The following FIG4 variants were observed in gnomAD, a reference collection of about 807,000 sequenced individuals.
FIG4 encodes polyphosphoinositide phosphatase.
FIG4 carries 112 observed loss-of-function variants against 118.6 expected under a neutral mutation model. That is an observed-to-expected ratio of 0.94 (90% CI 0.81 to 1.11). The LOEUF is 1.11. Among genes scored for constraint, FIG4 ranks in the 50% least tolerant of loss-of-function variants. FIG4 has a pLI of 0.00. For missense variants in FIG4, 969 were observed against 1,111.7 expected, an observed-to-expected ratio of 0.87 and a Z score of 1.83; for synonymous variants, 369 against 381.2, an observed-to-expected ratio of 0.97 and a Z score of 0.37.
intron 15 of FIG4, among the ~76,000 whole-genome samples, chr6:109,769,817 C>G (rs1249908933): frequency 6.6e-6 from 1 of 152,032 alleles, no homozygotes; most frequent in Admixed American, 6.6e-5. Flanking sequence ...TATGTGAGAG[C>G]CTAAGGGCAC....
chr6:109,744,175 CT>C (rs1776411033), intron 10 of FIG4, among the ~76,000 whole-genome samples: 2 of 152,048 alleles, frequency 1.3e-5, no homozygotes, highest in African/African-American at 4.8e-5. Flanking sequence ...ATAAGCTCCC[CT>C]GGGCAAATTA....
At chr6:109,796,983 G>T in intron 22 of FIG4, 132 bp downstream of exon 22, 1 of 677,260 alleles carries the variant, frequency 1.5e-6, no homozygotes. Flanking sequence ...GTCTCCTTGT[G>T]GTACCTTACT....
At chr6:109,801,117 G>A (rs766366449) in intron 22 of FIG4, among the ~76,000 whole-genome samples, 6 of 152,170 alleles carry the variant, frequency 3.9e-5, no homozygotes, top group Non-Finnish European at 7.3e-5. Context: ...CTTTTCTATG[G>A]TTCACCTATT....
At chr6:109,820,574 C>T (rs1778976994) in intron 22 of FIG4, among the ~76,000 whole-genome samples, 1 of 152,026 alleles carries the variant, frequency 6.6e-6, no homozygotes, top group Non-Finnish European at 1.5e-5. Flanking sequence ...TGTAGCAGTG[C>T]CGATCTCCAG....
chr6:109,728,759 T>C (rs1449365857), intron 4 of FIG4, among the ~76,000 whole-genome samples: 3 of 152,214 alleles, frequency 2.0e-5, no homozygotes, highest in Admixed American at 2.0e-4. Context: ...TAGGAAGGCC[T>C]ATATAGTGTA....
chr6:109,719,690 A>C (rs1312367202), intron 3 of FIG4, among the ~76,000 whole-genome samples: 6 of 152,130 alleles, frequency 3.9e-5, no homozygotes, highest in Admixed American at 2.6e-4. Flanking sequence ...CACCGTGCTC[A>C]GCCTGAACTG....
chr6:109,758,339 C>T (rs1253552688), intron 10 of FIG4, among the ~76,000 whole-genome samples: 1 of 152,156 alleles, frequency 6.6e-6, no homozygotes, highest in Non-Finnish European at 1.5e-5. Flanking sequence ...ACAAACTTGA[C>T]AAAAGCAAGT....
intron 22 of FIG4, among the ~76,000 whole-genome samples, chr6:109,822,349 G>A (rs984671266): frequency 2.3e-5 from 3 of 131,788 alleles, no homozygotes; most frequent in African/African-American, 7.4e-5. Flanking sequence ...TTTCTGTATC[G>A]ATTTTATTTT....
chr6:109,786,241 A>G (rs1777951822), intron 17 of FIG4, 61 bp from the exon 18 acceptor site: 1 of 1,435,874 alleles, frequency 7.0e-7, no homozygotes, highest in Non-Finnish European at 9.8e-7. Flanking sequence ...AGTTAATATT[A>G]TGGAAATGTT....
intron 4 of FIG4, 115 bp downstream of exon 4, chr6:109,727,380 C>G (rs2128384101): frequency 1.2e-6 from 1 of 824,756 alleles, no homozygotes; most frequent in South Asian, 1.4e-5. Flanking sequence ...CCTTGGCCTC[C>G]CAGGCTCAAG....
rs1776372438 is a variant in FIG4, at chr6:109,743,044, T to C, written c.877-66T>C. The C allele has an allele frequency of 3.0e-6, 4 of 1,316,506 alleles. No individual in the cohort carries two copies. In the East Asian group the frequency reaches 9.6e-5, roughly 32 times the overall value. 81.6% of individuals were successfully genotyped at this position (1,316,506 alleles called of 1,614,324 possible). ...TGAAAGAATAGGAATTATAACTTCA[T>C]TGAAAGTTATTTCATTAAACATTTC... On this transcript the variant is annotated intron_variant, in intron 8 of 22. Coordinates refer to ENST00000230124, the MANE Select transcript of FIG4 (RefSeq NM_014845.6).
At position 109,778,890 on chromosome 6, in the gene FIG4, C is replaced by T. The variant is rs532390656; in HGVS notation, c.1889+1830C>T. ...CTGGGATTACAGGCGTGAGCCACCG[C>T]GCCCGGCTTCTTGCAGCTGTTATTA... is the stretch of plus-strand genomic sequence containing the variant. On this transcript the variant is annotated intron_variant, in intron 16 of 22. Coordinates refer to ENST00000230124, the MANE Select transcript of FIG4 (RefSeq NM_014845.6). Among the ~76,000 whole-genome samples the T allele has an allele frequency of 7.2e-4, 110 of 152,264 alleles. 1 individual carries two copies. The highest frequency in any genetic ancestry group is 3.5e-3 in the South Asian group (17 of 4,828).
rs1319601441 is a variant in FIG4 at position 109,791,545 on chromosome 6, G to A, written c.2350G>A (p.Ala784Thr). The A allele has an allele frequency of 2.5e-6, 4 of 1,613,838 alleles. No homozygotes were observed. Among genetic ancestry groups the A allele is most frequent in the Admixed American group, 3.3e-5 (2 of 60,002 alleles). The change falls in exon 20 of 23, where the codon GCA becomes ACA. Residue 784 changes from alanine to threonine, a missense_variant. Coordinates refer to ENST00000230124, the MANE Select transcript of FIG4 (RefSeq NM_014845.6). ...QRSTPVKMTD[A>T]GDSAKVTENV... ...CTCCACTCCCGTGAAGATGACTGATGCAGGAGACAGTGCCAAAGTGACCGA... is the reference window on the plus strand; with the variant it reads ...CTCCACTCCCGTGAAGATGACTGATACAGGAGACAGTGCCAAAGTGACCGA...
At chr6:109,820,288 T>C (rs537711468) in intron 22 of FIG4, among the ~76,000 whole-genome samples, 2 of 152,318 alleles carry the variant, frequency 1.3e-5, no homozygotes, top group Admixed American at 1.3e-4. Context: ...TAAAAGTATA[T>C]CTGATAAGTA....
At chr6:109,731,174 G>T (rs1043450200) in intron 4 of FIG4, among the ~76,000 whole-genome samples, 1 of 152,182 alleles carries the variant, frequency 6.6e-6, no homozygotes, top group Non-Finnish European at 1.5e-5. Context: ...CAGAATATCT[G>T]CTGTCATCAA....
At chr6:109,758,054 C>T (rs981574742) in intron 10 of FIG4, among the ~76,000 whole-genome samples, 1 of 152,158 alleles carries the variant, frequency 6.6e-6, no homozygotes, top group African/African-American at 2.4e-5. Flanking sequence ...TTTATAGATT[C>T]AGTGCTATCC....
chr6:109,772,460 GT>G (rs972183497), intron 15 of FIG4, among the ~76,000 whole-genome samples: 1 of 151,886 alleles, frequency 6.6e-6, no homozygotes, highest in African/African-American at 2.4e-5. Context: ...TAGTTTTTTT[GT>G]TTTTTGTTTT....
At position 109,791,587 on chromosome 6, in the gene FIG4, G is replaced by A. The variant is rs746479599; in HGVS notation, c.2376+16G>A. 6.2e-7 allele frequency: 1 copy of A among 1,612,016 alleles called. No homozygotes were observed. Among genetic ancestry groups the A allele is most frequent in the East Asian group, 2.2e-5 (1 of 44,882 alleles). ...AGTGACCGAGGTGCGGGGGAGGGAA[G>A]CCTGTGGCATCCAGCCTGAAGCCCT... On this transcript the variant is annotated intron_variant, in intron 20 of 22. Transcript: ENST00000230124.
chr6:109,739,702 C>T (rs1018989124), intron 7 of FIG4, among the ~76,000 whole-genome samples: 52 of 152,174 alleles, frequency 3.4e-4, no homozygotes, highest in African/African-American at 1.2e-3. Context: ...GCCCTGGCCC[C>T]CCTTGGTACT....
Sources: gnomAD v4.1 joint callset for allele counts (sites outside exome capture counted in the v4.1 genomes callset) on GRCh38, gnomAD v4.1.1 for gene constraint, MANE v1.5 for transcripts, NCBI Gene and HGNC (gene_info 2026-07-23, HGNC 2026-07-21) for gene names.